Variants in OPCML observed in about 807,000 individuals in gnomAD.
OPCML encodes the protein opioid-binding protein/cell adhesion molecule.
Under a neutral mutation model 37.8 loss-of-function variants are expected in OPCML, and 13 were observed. That is an observed-to-expected ratio of 0.34 (90% confidence interval 0.22 to 0.55). The LOEUF (loss-of-function observed/expected upper bound fraction) is 0.55. Ranked by LOEUF, OPCML falls within the 20% of genes least tolerant of loss-of-function variation. The pLI is 0.91. For synonymous variants in OPCML, 176 were observed against 168.8 expected, an observed-to-expected ratio of 1.04 and a Z score of -0.33; for missense variants, 341 against 435.6, an observed-to-expected ratio of 0.78 and a Z score of 1.93.
intron 4 of OPCML, among the ~76,000 whole-genome samples, chr11:132,491,280 C>A (rs1395724674): frequency 6.6e-6 from 1 of 152,218 alleles, no homozygotes; most frequent in East Asian, 1.9e-4. Flanking sequence ...TACAGCTTCC[C>A]AACACACTAA....
At chr11:133,420,994 G>C in intron 1 of OPCML, 1 of 985,310 alleles carries the variant, frequency 1.0e-6, no homozygotes, top group Non-Finnish European at 1.2e-6. Flanking sequence ...AAAGCTGCAG[G>C]AGCCTAGAAT....
chr11:133,112,022 C>A (rs1449449876), intron 1 of OPCML, among the ~76,000 whole-genome samples: 1 of 152,044 alleles, frequency 6.6e-6, no homozygotes. Flanking sequence ...GGAAATTGTC[C>A]TGTACATCCA....
chr11:132,508,946 G>A (rs1565623417), intron 4 of OPCML, among the ~76,000 whole-genome samples: 1 of 152,166 alleles, frequency 6.6e-6, no homozygotes, highest in Non-Finnish European at 1.5e-5. Context: ...GGCAGATGTT[G>A]GAACAGTTTG....
At chr11:132,631,626 A>AT (rs57086964) in intron 3 of OPCML, among the ~76,000 whole-genome samples, 2,719 of 145,374 alleles carry the variant, frequency 0.019, 66 homozygotes, top group African/African-American at 0.063. Flanking sequence ...CGCCCGGCTA[A>AT]TTTTTTTTTT....
At chr11:132,859,198 G>C (rs559549202) in intron 2 of OPCML, 6 of 152,184 alleles carry the variant, frequency 3.9e-5, no homozygotes, top group African/African-American at 1.2e-4. Context: ...TTTGGGGGAA[G>C]AGCAGACTGA....
intron 3 of OPCML, among the ~76,000 whole-genome samples, chr11:132,543,658 C>T (rs1013896296): frequency 3.4e-4 from 52 of 152,108 alleles, no homozygotes; most frequent in African/African-American, 1.2e-3. Context: ...TAGGTTTTGA[C>T]TCTGTTCTCT....
chr11:133,417,346 A>G (rs1419345860), intron 1 of OPCML, among the ~76,000 whole-genome samples: 1 of 152,206 alleles, frequency 6.6e-6, no homozygotes, highest in Non-Finnish European at 1.5e-5. Context: ...TCTTCCCAGC[A>G]ACTCTAAAAG....
intron 1 of OPCML, among the ~76,000 whole-genome samples, chr11:133,176,734 G>A (rs1166291817): frequency 6.6e-6 from 1 of 152,144 alleles, no homozygotes; most frequent in Non-Finnish European, 1.5e-5. Context: ...GCAGAACCGT[G>A]AGCCAATTAA....
intron 2 of OPCML, among the ~76,000 whole-genome samples, chr11:132,922,864 G>C (rs2136592678): frequency 1.3e-5 from 2 of 152,136 alleles, no homozygotes; most frequent in South Asian, 4.2e-4. Flanking sequence ...CTTGAGCTCA[G>C]TTTGAGACCA....
At chr11:133,315,751 T>A (rs994261776) in intron 1 of OPCML, among the ~76,000 whole-genome samples, 3 of 152,166 alleles carry the variant, frequency 2.0e-5, no homozygotes, top group East Asian at 3.9e-4. Context: ...TGAGCCAAGA[T>A]CATGCCACCA....
intron 2 of OPCML, among the ~76,000 whole-genome samples, chr11:132,676,913 A>G (rs1297363627): frequency 2.0e-5 from 3 of 151,980 alleles, no homozygotes; most frequent in Non-Finnish European, 4.4e-5. Flanking sequence ...TTAAGACAAG[A>G]AAAAAAGCAA....
At chr11:133,049,118 C>T (rs1948080366) in intron 1 of OPCML, among the ~76,000 whole-genome samples, 1 of 152,194 alleles carries the variant, frequency 6.6e-6, no homozygotes, top group African/African-American at 2.4e-5. Flanking sequence ...GGTTTACAAT[C>T]TAGCTGTTTT....
intron 4 of OPCML, among the ~76,000 whole-genome samples, chr11:132,471,373 G>C (rs1438380648): frequency 6.6e-6 from 1 of 152,136 alleles, no homozygotes; most frequent in Admixed American, 6.5e-5. Context: ...CATACCCCAG[G>C]CTTAGTAGTT....
chr11:133,352,797 T>C (rs147749598), intron 1 of OPCML, among the ~76,000 whole-genome samples: 34 of 152,188 alleles, frequency 2.2e-4, no homozygotes, highest in African/African-American at 7.5e-4. Context: ...ATAATATTTT[T>C]CAAGGGCTGA....
At chr11:132,486,522 G>A (rs113110778) in intron 4 of OPCML, among the ~76,000 whole-genome samples, 284 of 151,552 alleles carry the variant, frequency 1.9e-3, no homozygotes, top group African/African-American at 6.6e-3. Flanking sequence ...TTCCTCTCTC[G>A]GTGCTTGCTA....
At chr11:132,724,429 C>T (rs1944795263) in intron 2 of OPCML, among the ~76,000 whole-genome samples, 1 of 152,148 alleles carries the variant, frequency 6.6e-6, no homozygotes, top group South Asian at 2.1e-4. Context: ...ACGAGAACAG[C>T]ATGGGAAAGA....
intron 2 of OPCML, among the ~76,000 whole-genome samples, chr11:132,754,219 C>G (rs747256610): frequency 6.6e-6 from 1 of 152,206 alleles, no homozygotes; most frequent in Non-Finnish European, 1.5e-5. Context: ...AAGCGACTTA[C>G]TCCATGATAT....
intron 2 of OPCML, among the ~76,000 whole-genome samples, chr11:132,712,460 C>T (rs990646192): frequency 2.0e-5 from 3 of 152,126 alleles, no homozygotes; most frequent in Non-Finnish European, 2.9e-5. Context: ...GGTTTGGTTG[C>T]GATAGTGTCT....
At chr11:132,865,210 A>T (rs57893168) in intron 2 of OPCML, among the ~76,000 whole-genome samples, 2 of 152,260 alleles carry the variant, frequency 1.3e-5, no homozygotes, top group African/African-American at 4.8e-5. Context: ...ACACACATAC[A>T]TACATCTTAC....
Sources: gnomAD v4.1 joint callset for allele counts (sites outside exome capture counted in the v4.1 genomes callset) on GRCh38, gnomAD v4.1.1 for gene constraint, MANE v1.5 for transcripts, NCBI Gene and HGNC (gene_info 2026-07-23, HGNC 2026-07-21) for gene names.